Variants in KDM3A observed in about 807,000 individuals in gnomAD.
KDM3A encodes lysine-specific demethylase 3A.
In KDM3A, 60 loss-of-function variants were observed where a neutral mutation model predicts 158.0. That is an observed-to-expected ratio of 0.38 (90% confidence interval 0.31 to 0.47). The LOEUF is 0.47. Ranked by LOEUF, KDM3A falls within the 20% of genes least tolerant of loss-of-function variation. KDM3A has a pLI of 0.99. For missense variants in KDM3A, 1,319 were observed against 1,574.3 expected (o/e 0.84, Z 2.74); for synonymous variants, 608 against 549.3 (o/e 1.11, Z -1.49).
At chr2:86,471,822 A>G (rs1191512764) in intron 11 of KDM3A, among the ~76,000 whole-genome samples, 1 of 152,244 alleles carries the variant, frequency 6.6e-6, no homozygotes, top group Non-Finnish European at 1.5e-5. Flanking sequence ...CTGTTAACGT[A>G]TGTTAACATA....
chr2:86,482,425 A>T, intron 17 of KDM3A, 33 bp from the exon 18 acceptor site: 3 of 1,606,184 alleles, frequency 1.9e-6, no homozygotes, highest in Non-Finnish European at 2.5e-6. Flanking sequence ...AGGGAATGAC[A>T]TATTTGAGAC....
intron 11 of KDM3A, 50 bp downstream of exon 11, chr2:86,470,458 T>C: frequency 4.2e-6 from 6 of 1,434,880 alleles, no homozygotes; most frequent in African/African-American, 1.4e-5. Context: ...CTTGTTATGC[T>C]AGATCATCTG....
intron 9 of KDM3A, 28 bp downstream of exon 9, chr2:86,464,244 A>G: frequency 4.2e-6 from 6 of 1,417,350 alleles, no homozygotes; most frequent in Non-Finnish European, 5.6e-6. Flanking sequence ...AAAGATGTTT[A>G]ATTATAATAA....
Position 86,480,315 on chromosome 2 carries a change from A to G in KDM3A, c.2465A>G (p.Asn822Ser). ...PACPASTSPL[N>S]WLADLTSGNV... ...TGTCCAGCCAGCACATCTCCTCTAA[A>G]CTGGCTGGCCGACCTAACCAGCGGG... The change falls in exon 16 of 26, where the codon AAC (asparagine) becomes AGC (serine). Residue 822 changes from asparagine to serine, a missense_variant. By Grantham distance (46) the Asn-to-Ser change is conservative (BLOSUM62 1). Transcript: ENST00000312912. 2 of 1,613,974 alleles carry G rather than the reference A, an allele frequency of 1.2e-6. No individual in the cohort carries two copies. Among genetic ancestry groups the G allele is most frequent in the Non-Finnish European group, 1.7e-6 (2 of 1,179,942 alleles).
chr2:86,489,196 C>G, intron 21 of KDM3A, 122 bp from the exon 22 acceptor site: 1 of 1,140,686 alleles, frequency 8.8e-7, no homozygotes. Context: ...ATAATTTGAT[C>G]CAGAATTTTT....
rs747026562 is a variant in KDM3A, at chr2:86,492,030, T to G, written c.3886-9T>G. The G allele has an allele frequency of 2.5e-6, 4 of 1,592,952 alleles. No homozygotes were observed. In the African/African-American group the frequency reaches 5.4e-5, roughly 21 times the overall value. On this transcript the variant is annotated splice_polypyrimidine_tract_variant and intron_variant, in intron 25 of 25. Coordinates refer to ENST00000312912, the MANE Select transcript of KDM3A (RefSeq NM_018433.6). ...GTAAAATGCCCATATTTTCTCCTAC[T>G]ATTTTTAGGTGAAGAATGTTATCTA...
At chr2:86,481,501 T>G (rs954926794) in intron 16 of KDM3A, among the ~76,000 whole-genome samples, 5 of 151,988 alleles carry the variant, frequency 3.3e-5, no homozygotes, top group South Asian at 2.1e-4. Flanking sequence ...GGTTTTGTTT[T>G]TTTTTTTTTA....
At chr2:86,461,671 G>T (rs938736918) in intron 8 of KDM3A, among the ~76,000 whole-genome samples, 2 of 152,164 alleles carry the variant, frequency 1.3e-5, no homozygotes, top group African/African-American at 4.8e-5. Flanking sequence ...AAGAGTAAGG[G>T]ACGGCTTTTG....
chr2:86,484,914 G>A, intron 19 of KDM3A, 28 bp from the exon 20 acceptor site: 1 of 1,371,260 alleles, frequency 7.3e-7, no homozygotes, highest in Non-Finnish European at 1.0e-6. Flanking sequence ...ATTATAAATA[G>A]TAATAGTTCA....
At position 86,484,083 on chromosome 2, in the gene KDM3A, G is replaced by A; in HGVS notation, c.3019G>A (p.Val1007Ile). The change falls in exon 19 of 26, where the codon GTT becomes ATT. Residue 1007 changes from valine to isoleucine, a missense_variant. By Grantham distance (29) the Val-to-Ile change is conservative. Transcript: ENST00000312912. Reference sequence around the variant, plus strand: ...GTTTGGTGAGCAGGAAGTAGACCTAGTTAATTGTAGGACCAATGAAATCAT... The same window carrying A: ...GTTTGGTGAGCAGGAAGTAGACCTAATTAATTGTAGGACCAATGAAATCAT... The part of the protein sequence containing the change: ...KEFGEQEVDL[V>I]NCRTNEIITG... The A allele has an allele frequency of 6.2e-7, 1 of 1,614,014 alleles. No homozygotes were observed. The highest frequency in any genetic ancestry group is 8.5e-7 in the Non-Finnish European group (1 of 1,179,898).
In KDM3A at chr2:86,470,188, T is replaced by C. The variant is rs554043561; in HGVS notation, c.1520-16T>C. 2 of 1,612,224 alleles carry C rather than the reference T, an allele frequency of 1.2e-6. No individual in the cohort carries two copies. The highest frequency in any genetic ancestry group is 2.7e-5 in the African/African-American group (2 of 74,982). On this transcript the variant is annotated splice_polypyrimidine_tract_variant and intron_variant, in intron 10 of 25. Transcript: ENST00000312912. ...AAAATTTGAGGTCCTGTCTCCTTAA[T>C]CTTTTGTTTTCCTAGCCCCATCCAG...
intron 3 of KDM3A, 112 bp from the exon 4 acceptor site, chr2:86,450,991 A>G (rs1477560127): frequency 4.9e-6 from 3 of 608,118 alleles, no homozygotes; most frequent in Non-Finnish European, 5.7e-6. Flanking sequence ...TGCAGTAAAT[A>G]AAAAAAATTA....
Position 86,456,842 on chromosome 2 carries a change from A to G in KDM3A, c.719A>G (p.His240Arg). ...AAAATTGTTGATCCGTCACTGATTCATGTTGAAGTTGTACACGATAACCTT... is the reference window on the plus strand; with the variant it reads ...AAAATTGTTGATCCGTCACTGATTCGTGTTGAAGTTGTACACGATAACCTT... ...ALKIVDPSLI[H>R]VEVVHDNLVT... The change falls in exon 7 of 26, where the codon CAT (histidine) becomes CGT (arginine). Residue 240 changes from histidine to arginine, a missense_variant. Around this residue, in one of 4 missense-constraint regions of KDM3A, gnomAD observed 652 missense variants for 627.2 expected, o/e 1.04. Transcript: ENST00000312912. The G allele has an allele frequency of 6.2e-7, 1 of 1,612,652 alleles. No individual in the cohort carries two copies. Among genetic ancestry groups the G allele is most frequent in the Non-Finnish European group, 8.5e-7 (1 of 1,178,946 alleles).
intron 9 of KDM3A, among the ~76,000 whole-genome samples, chr2:86,465,973 TC>T (rs1441586816): frequency 1.3e-5 from 2 of 151,128 alleles, no homozygotes; most frequent in African/African-American, 4.9e-5. Flanking sequence ...AAGAAAACTT[TC>T]GGAATTGCCC....
intron 15 of KDM3A, chr2:86,479,863 C>G (rs763496673): frequency 5.5e-5 from 16 of 291,432 alleles, no homozygotes; most frequent in Non-Finnish European, 1.0e-4. Context: ...GAGACAGGCA[C>G]AAACTGGTCA....
chr2:86,442,285 A>T, intron 2 of KDM3A, 52 bp downstream of exon 2: 1 of 1,528,016 alleles, frequency 6.5e-7, no homozygotes, highest in Non-Finnish European at 8.9e-7. Flanking sequence ...TTACCGTGGT[A>T]ACGCGACCAT....
At chr2:86,459,031 AG>A (rs1221618628) in intron 8 of KDM3A, among the ~76,000 whole-genome samples, 1 of 152,168 alleles carries the variant, frequency 6.6e-6, no homozygotes, top group Non-Finnish European at 1.5e-5. Flanking sequence ...TTAGGACTGA[AG>A]AAGCACAGGA....
intron 16 of KDM3A, among the ~76,000 whole-genome samples, chr2:86,481,728 C>A (rs925979320): frequency 2.0e-5 from 3 of 152,102 alleles, no homozygotes; most frequent in Non-Finnish European, 4.4e-5. Context: ...TTACAAAATT[C>A]CATTGTACTG....
upstream of KDM3A, among the ~76,000 whole-genome samples, chr2:86,439,364 A>AT (rs1682558726): frequency 1.3e-5 from 2 of 152,072 alleles, no homozygotes; most frequent in Admixed American, 6.5e-5. Flanking sequence ...ATTTGCTGGT[A>AT]TTTTATAAAA....
Sources: gnomAD v4.1 joint callset for allele counts (sites outside exome capture counted in the v4.1 genomes callset) on GRCh38, gnomAD v4.1.1 for gene constraint, gnomAD v4.1.1 regional missense constraint, MANE v1.5 for transcripts, NCBI Gene and HGNC (gene_info 2026-07-23, HGNC 2026-07-21) for gene names.